The following SLC26A4 variants were observed in gnomAD, a reference collection of about 807,000 sequenced individuals.
SLC26A4 encodes pendrin.
SLC26A4 carries 93 observed loss-of-function variants against 90.4 expected under a neutral mutation model. That is an observed-to-expected ratio of 1.03 (90% CI 0.87 to 1.22). The LOEUF (loss-of-function observed/expected upper bound fraction) is 1.22, where lower values mean the gene tolerates loss of function less well. Among genes scored for constraint, SLC26A4 ranks in the 50% most tolerant of loss-of-function variants. The pLI is 0.00. For synonymous variants in SLC26A4, 393 were observed against 354.6 expected (o/e 1.11, Z -1.22); for missense variants, 1,127 against 946.2 (o/e 1.19, Z -2.51).
intron 2 of SLC26A4, among the ~76,000 whole-genome samples, chr7:107,662,456 C>A (rs542865555): frequency 6.6e-6 from 1 of 151,434 alleles, no homozygotes; most frequent in African/African-American, 2.4e-5. Flanking sequence ...GAACTCCCCA[C>A]CCCCACCGTT....
chr7:107,708,671 T>C (rs1792096920), intron 18 of SLC26A4, among the ~76,000 whole-genome samples: 1 of 151,922 alleles, frequency 6.6e-6, no homozygotes, highest in South Asian at 2.1e-4. Flanking sequence ...CTGAGCAACA[T>C]GGTGAGACCC....
chr7:107,674,924 C>A (rs750585673), intron 5 of SLC26A4, 21 bp from the exon 6 acceptor site: 4 of 1,612,256 alleles, frequency 2.5e-6, no homozygotes, highest in Non-Finnish European at 3.4e-6. Flanking sequence ...TTTAATTTTT[C>A]TTTCCTTTTC....
chr7:107,686,586 C>T (rs1791427251), intron 8 of SLC26A4, among the ~76,000 whole-genome samples: 1 of 152,032 alleles, frequency 6.6e-6, no homozygotes, highest in Admixed American at 6.6e-5. Flanking sequence ...CTCCCAGGTT[C>T]AAGCAATTCT....
chr7:107,710,732 TG>T (rs1792162476), intron 19 of SLC26A4, among the ~76,000 whole-genome samples: 1 of 152,208 alleles, frequency 6.6e-6, no homozygotes, highest in Admixed American at 6.5e-5. Context: ...GTAGCGCATC[TG>T]GCTCCAGAAT....
At chr7:107,665,629 T>C (rs1485893169) in intron 3 of SLC26A4, among the ~76,000 whole-genome samples, 1 of 152,232 alleles carries the variant, frequency 6.6e-6, no homozygotes, top group Non-Finnish European at 1.5e-5. Context: ...TGGTGGTTCA[T>C]GCTCCATGTC....
At chr7:107,697,379 T>C (rs1584332636) in intron 13 of SLC26A4, among the ~76,000 whole-genome samples, 1 of 152,220 alleles carries the variant, frequency 6.6e-6, no homozygotes, top group African/African-American at 2.4e-5. Context: ...CCAGTAATTA[T>C]CATGCTGATC....
intron 6 of SLC26A4, among the ~76,000 whole-genome samples, chr7:107,678,737 G>GA (rs35019739): frequency 0.032 from 4,655 of 147,150 alleles, 237 homozygotes; most frequent in African/African-American, 0.11. Flanking sequence ...TTGCTCTTCT[G>GA]AAAAAAAAAA....
chr7:107,680,385 A>C (rs1386265772), intron 6 of SLC26A4, among the ~76,000 whole-genome samples: 6 of 143,086 alleles, frequency 4.2e-5, no homozygotes, highest in South Asian at 4.3e-4. Flanking sequence ...ATAATGTTAT[A>C]TTATTATATA....
rs368119540 is a variant in SLC26A4, at chr7:107,701,943, G to C, written c.1920G>C (p.Trp640Cys). The stretch of plus-strand genomic sequence containing the variant: ...AGGAAATAGAGATTCAAGTGGATTG[G>C]AACTCTGAGCTTCCAGTCAAAGTGA... ...PTKEIEIQVD[W>C]NSELPVKVNV... Residue 640 changes from tryptophan (W) to cysteine (C), a missense_variant, in exon 17 of 21, where the codon TGG becomes TGC. Physicochemically the swap from Trp to Cys is radical, Grantham distance 215. Coordinates refer to ENST00000644269, the MANE Select transcript of SLC26A4 (RefSeq NM_000441.2). 6.2e-6 allele frequency: 10 copies of C among 1,612,724 alleles called. No homozygotes were observed. The highest frequency in any genetic ancestry group is 8.5e-6 in the Non-Finnish European group (10 of 1,178,812).
intron 6 of SLC26A4, among the ~76,000 whole-genome samples, chr7:107,682,344 A>G (rs1791263755): frequency 6.6e-6 from 1 of 151,988 alleles, no homozygotes; most frequent in East Asian, 1.9e-4. Flanking sequence ...AACAAAAAAC[A>G]GAAAAAAACT....
chr7:107,661,888 A>T lies in SLC26A4; in HGVS notation c.164+83A>T, dbSNP rs1790567202. On this transcript the variant is annotated intron_variant, in intron 2 of 20. Transcript: ENST00000644269. This position sits in a 1 kb window ranked among gnomAD's most constrained non-coding sequence, Gnocchi z 5.1. ...GAGGGAAGGGCGTCCCCAGCGGGCGAGAGTGGGGTGCGGGCGGCGGAGCCC... is the reference window on the plus strand; with the variant it reads ...GAGGGAAGGGCGTCCCCAGCGGGCGTGAGTGGGGTGCGGGCGGCGGAGCCC... 7.0e-7 allele frequency: 1 copy of T among 1,438,274 alleles called. No individual in the cohort carries two copies. The highest frequency in any genetic ancestry group is 1.3e-5 in the South Asian group (1 of 74,680). The allele number at this position is 1,438,274 out of a possible 1,614,324, so 89.1% of individuals were successfully genotyped here. A position where few individuals can be genotyped will look rare whatever the true frequency, so the allele number is the denominator to read the frequency against.
At chr7:107,702,702 A>AAG (rs397731007) in intron 17 of SLC26A4, among the ~76,000 whole-genome samples, 1 of 151,596 alleles carries the variant, frequency 6.6e-6, no homozygotes, top group African/African-American at 2.4e-5. Context: ...AAAAAAAAAA[A>AAG]GAATATCTGG....
rs367623525 is a variant in SLC26A4, at chr7:107,695,817, GA to G, written c.1438-105del. 0.023 allele frequency: 12,738 copies of G among 564,834 alleles called. 96 individuals carry two copies. Among genetic ancestry groups the G allele is most frequent in the African/African-American group, 0.07 (3,589 of 51,262 alleles). The allele number at this position is 564,834 out of a possible 1,614,324, so 35.0% of individuals were successfully genotyped here. On this transcript the variant is annotated intron_variant, in intron 12 of 20. Coordinates refer to ENST00000644269, the MANE Select transcript of SLC26A4 (RefSeq NM_000441.2). ...AATAGAGTGTGACCCTATCTCAAAA[GA>G]AAAAAAAAAATGTAATTTGTTTGTG... is the stretch of plus-strand genomic sequence containing the variant.
Position 107,680,308 on chromosome 7 carries a change from C to CTTAGCTTATTATATAATG in SLC26A4, c.766-2891_766-2890insGCTTATTATATAATGTTA, listed in dbSNP as rs1562827494. ...ATCTTATCTTATTATATAATATAAT[C>CTTAGCTTATTATATAATG]TTATATTATTATATAATCTTATCTT... is the stretch of plus-strand genomic sequence containing the variant. On this transcript the variant is annotated intron_variant, in intron 6 of 20. Transcript: ENST00000644269. 7.2e-3 allele frequency among the ~76,000 whole-genome samples: 668 copies of CTTAGCTTATTATATAATG among 92,892 alleles called. 31 individuals are homozygous for CTTAGCTTATTATATAATG. Among genetic ancestry groups the CTTAGCTTATTATATAATG allele is most frequent in the African/African-American group, 0.048 (615 of 12,946 alleles). 60.9% of individuals were successfully genotyped at this position (92,892 alleles called of 152,430 possible).
chr7:107,683,310 T>A lies in SLC26A4; in HGVS notation c.874T>A (p.Phe292Ile). The A allele has an allele frequency of 1.2e-6, 2 of 1,613,824 alleles. No individual in the cohort carries two copies. Among genetic ancestry groups the A allele is most frequent in the Non-Finnish European group, 1.7e-6 (2 of 1,179,810 alleles). ...GGCAGTTAAGGAATTAAATGATCGG[T>A]TTAGACACAAAATCCCAGTCCCTAT... ...CMAVKELNDR[F>I]RHKIPVPIPI... The change falls in exon 7 of 21, where the codon TTT becomes ATT. Residue 292 changes from phenylalanine (F) to isoleucine (I), a missense_variant. Phe to Ile is a conservative substitution (Grantham distance 21, BLOSUM62 0). Coordinates refer to ENST00000644269, the MANE Select transcript of SLC26A4 (RefSeq NM_000441.2).
chr7:107,701,302 T>A (rs550849037), intron 16 of SLC26A4, 106 bp downstream of exon 16: 307 of 753,704 alleles, frequency 4.1e-4, no homozygotes, highest in Non-Finnish European at 6.3e-4. Flanking sequence ...CAGATGTGAA[T>A]GAACAAATGA....
At chr7:107,666,424 G>T (rs1025762430) in intron 3 of SLC26A4, among the ~76,000 whole-genome samples, 6 of 152,146 alleles carry the variant, frequency 3.9e-5, no homozygotes, top group Non-Finnish European at 7.3e-5. Flanking sequence ...GTTTCACCAT[G>T]TTGCCCAGGC....
At chr7:107,710,028 C>A in intron 18 of SLC26A4, 26 bp from the exon 19 acceptor site, 3 of 1,607,880 alleles carry the variant, frequency 1.9e-6, no homozygotes, top group Non-Finnish European at 2.6e-6. Context: ...TAGGAACTAA[C>A]AAAACATTGT....
At chr7:107,680,311 ATAT>A (rs1384438420) in intron 6 of SLC26A4, among the ~76,000 whole-genome samples, 3 of 137,996 alleles carry the variant, frequency 2.2e-5, no homozygotes, top group East Asian at 2.1e-4. Flanking sequence ...ATATAATCTT[ATAT>A]TATTATATAA....
Sources: allele counts gnomAD v4.1 joint callset (sites outside exome capture counted in the v4.1 genomes callset), GRCh38; gene constraint gnomAD v4.1.1; non-coding constraint Gnocchi (gnomAD v3.1); transcripts MANE v1.5; gene names NCBI Gene and HGNC (gene_info 2026-07-23, HGNC 2026-07-21).